CCDC30: variants seen among roughly 807,000 people sequenced by gnomAD.
CCDC30 encodes coiled-coil domain-containing protein 30.
A neutral mutation model predicts 100.2 loss-of-function variants in CCDC30; 70 were observed. That is an observed-to-expected ratio of 0.70 (90% CI 0.58 to 0.85). The LOEUF (loss-of-function observed/expected upper bound fraction) is 0.85. CCDC30 is among the 40% of genes least tolerant of loss of function. The pLI is 0.00. For missense variants in CCDC30, 652 were observed against 771.2 expected, an observed-to-expected ratio of 0.85 and a Z score of 1.83; for synonymous variants, 233 against 269.5, an observed-to-expected ratio of 0.86 and a Z score of 1.33.
chr1:42,653,869 A>G (rs142137275), exon 17 of CCDC30: 2 of 1,614,094 alleles, frequency 1.2e-6, no homozygotes, highest in Non-Finnish European at 1.7e-6. Context: ...AAGAGACTGA[A>G]GAGATCAAGT....
chr1:42,524,827 T>C (rs910646549), intron 6 of CCDC30, among the ~76,000 whole-genome samples: 1 of 152,186 alleles, frequency 6.6e-6, no homozygotes, highest in Non-Finnish European at 1.5e-5. Context: ...TCAAAAATAT[T>C]CGTATCAGAC....
intron 11 of CCDC30, among the ~76,000 whole-genome samples, chr1:42,614,729 G>T (rs1288509314): frequency 6.6e-6 from 1 of 151,564 alleles, no homozygotes; most frequent in Non-Finnish European, 1.5e-5. Context: ...AGATATTGCA[G>T]TGAGCCAAGA....
intron 10 of CCDC30, among the ~76,000 whole-genome samples, chr1:42,606,274 A>G (rs1646499729): frequency 6.6e-6 from 1 of 152,146 alleles, no homozygotes; most frequent in Non-Finnish European, 1.5e-5. Flanking sequence ...GTATTGCAGT[A>G]AGTTTATTTA....
At chr1:42,467,138 C>T (rs541504489) in intron 1 of CCDC30, among the ~76,000 whole-genome samples, 59 of 152,240 alleles carry the variant, frequency 3.9e-4, no homozygotes, top group African/African-American at 1.3e-3. Flanking sequence ...CGGCAGAAGA[C>T]AAGGCTAGAG....
intron 11 of CCDC30, among the ~76,000 whole-genome samples, chr1:42,618,292 A>G (rs1199502543): frequency 7.4e-6 from 1 of 134,318 alleles, no homozygotes; most frequent in Non-Finnish European, 1.5e-5. Flanking sequence ...GCTGGAGTGC[A>G]GTGGTGCCAT....
intron 1 of CCDC30, among the ~76,000 whole-genome samples, chr1:42,479,802 A>G (rs1191980589): frequency 6.6e-6 from 1 of 152,096 alleles, no homozygotes; most frequent in Non-Finnish European, 1.5e-5. Context: ...ACTCATAGGG[A>G]GTATGGGAGG....
chr1:42,525,499 C>A lies in CCDC30; in HGVS notation c.456+26583C>A, dbSNP rs562478673. ...TAGTTCTTTTTTGAATATCTTTTAT[C>A]TTTTATTCATTAGGTCTCTTAAAAA... On this transcript the variant is annotated intron_variant, in intron 6 of 16. Transcript: ENST00000668663. Among the ~76,000 whole-genome samples the A allele has an allele frequency of 9.2e-5, 14 of 151,954 alleles. 1 individual carries two copies. Among genetic ancestry groups the A allele is most frequent in the African/African-American group, 3.4e-4 (14 of 41,448 alleles).
chr1:42,652,260 A>C (rs1648413998), intron 15 of CCDC30, among the ~76,000 whole-genome samples: 1 of 152,194 alleles, frequency 6.6e-6, no homozygotes, highest in Admixed American at 6.5e-5. Flanking sequence ...GTGGAATCTA[A>C]AACAATTGAA....
intron 1 of CCDC30, among the ~76,000 whole-genome samples, chr1:42,476,541 T>C (rs1643883483): frequency 6.6e-6 from 1 of 151,964 alleles, no homozygotes; most frequent in Non-Finnish European, 1.5e-5. Flanking sequence ...AAATACAAAA[T>C]TAGCCGGATG....
intron 6 of CCDC30, among the ~76,000 whole-genome samples, chr1:42,521,463 T>C (rs1304266769): frequency 2.6e-5 from 4 of 152,182 alleles, no homozygotes; most frequent in African/African-American, 4.8e-5. Context: ...GAGACTTAAT[T>C]TGTGGTTTAA....
intron 6 of CCDC30, among the ~76,000 whole-genome samples, chr1:42,503,796 A>G (rs1165519580): frequency 6.6e-6 from 1 of 152,190 alleles, no homozygotes; most frequent in African/African-American, 2.4e-5. Context: ...TACCCTCACT[A>G]TCTGCCTAAA....
At chr1:42,571,977 A>G (rs1645742737) in intron 7 of CCDC30, among the ~76,000 whole-genome samples, 1 of 152,234 alleles carries the variant, frequency 6.6e-6, no homozygotes, top group African/African-American at 2.4e-5. Flanking sequence ...AGAACTGAGT[A>G]AGGTTTCTAC....
At chr1:42,579,798 C>G (rs1314017085) in intron 8 of CCDC30, among the ~76,000 whole-genome samples, 1 of 151,938 alleles carries the variant, frequency 6.6e-6, no homozygotes, top group African/African-American at 2.4e-5. Context: ...AAGTTCAAGA[C>G]CAGCCTGAGC....
chr1:42,527,277 T>C (rs192904103), intron 6 of CCDC30, among the ~76,000 whole-genome samples: 154 of 152,332 alleles, frequency 1.0e-3, no homozygotes, highest in African/African-American at 3.6e-3. Flanking sequence ...TCTACTAGGA[T>C]AGGACCACAG....
chr1:42,512,035 T>C (rs943788799), intron 6 of CCDC30, among the ~76,000 whole-genome samples: 3 of 152,236 alleles, frequency 2.0e-5, no homozygotes, highest in African/African-American at 7.2e-5. Context: ...GTAGATTAAC[T>C]AAAAGTATTC....
chr1:42,461,150 G>C (rs1294049244), upstream of CCDC30, among the ~76,000 whole-genome samples: 1 of 152,174 alleles, frequency 6.6e-6, no homozygotes, highest in Non-Finnish European at 1.5e-5. Flanking sequence ...TACAATTCAT[G>C]GTGTTTCATG....
At chr1:42,456,744 T>G in the CCDC30 span, 2 of 1,611,376 alleles carry the variant, frequency 1.2e-6, no homozygotes, top group South Asian at 2.2e-5. Context: ...CTGGACAACT[T>G]CAGCAGCGGG....
At chr1:42,530,385 C>G (rs1008986490) in intron 6 of CCDC30, among the ~76,000 whole-genome samples, 4 of 152,072 alleles carry the variant, frequency 2.6e-5, no homozygotes, top group African/African-American at 7.2e-5. Flanking sequence ...AAAACTTTAT[C>G]TTAGTTATGT....
chr1:42,457,042 G>A, the CCDC30 span: 2 of 1,600,116 alleles, frequency 1.2e-6, no homozygotes, highest in East Asian at 2.2e-5. Context: ...TGCATCTGTT[G>A]CAGGCTGCGG....
Sources: allele counts gnomAD v4.1 joint callset (sites outside exome capture counted in the v4.1 genomes callset), GRCh38; gene constraint gnomAD v4.1.1; transcripts MANE v1.5; gene names NCBI Gene and HGNC (gene_info 2026-07-23, HGNC 2026-07-21).